Variants in PCNT observed in about 807,000 individuals in gnomAD.
PCNT encodes the protein kendrin.
A neutral mutation model predicts 380.4 loss-of-function variants in PCNT; 319 were observed. The observed-to-expected ratio is 0.84, with a 90% CI of 0.77 to 0.92. The LOEUF is 0.92. PCNT is among the 40% of genes least tolerant of loss of function. PCNT has a pLI of 0.00. For synonymous variants in PCNT, 1,845 were observed against 1,735.2 expected, an observed-to-expected ratio of 1.06 and a Z score of -1.57; for missense variants, 4,400 against 4,255.3, an observed-to-expected ratio of 1.03 and a Z score of -0.95.
rs138860570 is a variant in PCNT at position 46,443,828 on chromosome 21, C to T, written c.9719C>T (p.Pro3240Leu). Residue 3240 changes from proline (P) to leucine (L), a missense_variant, in exon 45 of 47, where the codon CCG (proline) becomes CTG (leucine). By Grantham distance (98) the Pro-to-Leu change is moderately conservative. Transcript: ENST00000359568. ...GGGGAAGGGCCCCGAGCACGACAGC[C>T]GCAGTCTCCACCCAGAACCAGAGAG... Reference protein sequence around the residue: ...APRPGPRARQPQSPPRTRESP... With the variant: ...APRPGPRARQLQSPPRTRESP... 3.2e-5 allele frequency: 51 copies of T among 1,613,554 alleles called. No homozygotes were observed. Among genetic ancestry groups the T allele is most frequent in the African/African-American group, 4.0e-5 (3 of 74,922 alleles).
chr21:46,428,804 G>T (rs2087618022), intron 35 of PCNT, among the ~76,000 whole-genome samples: 1 of 152,226 alleles, frequency 6.6e-6, no homozygotes, highest in African/African-American at 2.4e-5. Flanking sequence ...TCACTCTTGG[G>T]CCTGATGTGG....
chr21:46,353,013 C>A (rs1235648421), intron 9 of PCNT, 91 bp from the exon 10 acceptor site: 2 of 1,052,854 alleles, frequency 1.9e-6, no homozygotes, highest in African/African-American at 1.6e-5. Context: ...CGAGTTCTGC[C>A]CCCACCACAG....
intron 38 of PCNT, among the ~76,000 whole-genome samples, chr21:46,432,548 G>T (rs2087812962): frequency 6.6e-6 from 1 of 152,220 alleles, no homozygotes; most frequent in Non-Finnish European, 1.5e-5. Context: ...CATTAAATGT[G>T]CTGATTGCTC....
chr21:46,342,571 G>A (rs1321962963), intron 3 of PCNT, among the ~76,000 whole-genome samples: 1 of 126,012 alleles, frequency 7.9e-6, no homozygotes, highest in African/African-American at 3.0e-5. Context: ...ACGGAGTTTT[G>A]CTCTTGTTGC....
In PCNT at chr21:46,430,344, A is replaced by C. The variant is rs2087697472; in HGVS notation, c.7913+112A>C. On this transcript the variant is annotated intron_variant, in intron 36 of 46. Transcript: ENST00000359568. Reference sequence around the variant, plus strand: ...TGGTGGGCCGCAGTTGGGCAGCCCCAGGGGCACCGCGCCCTGCTGTCCCTG... The same window carrying C: ...TGGTGGGCCGCAGTTGGGCAGCCCCCGGGGCACCGCGCCCTGCTGTCCCTG... 5 of 1,378,054 alleles carry C rather than the reference A, an allele frequency of 3.6e-6. No homozygotes were observed. The South Asian group carries it at 3.7e-5, about 10-fold the overall frequency. The allele number at this position is 1,378,054 out of a possible 1,614,324, so 85.4% of individuals were successfully genotyped here.
Position 46,431,632 on chromosome 21 carries a change from G to A in PCNT, c.8168G>A (p.Arg2723His), listed in dbSNP as rs771623413. 2.6e-5 allele frequency: 42 copies of A among 1,613,828 alleles called. No individual in the cohort carries two copies. Among genetic ancestry groups the A allele is most frequent in the Non-Finnish European group, 3.1e-5 (37 of 1,179,938 alleles). Residue 2723 changes from arginine (R) to histidine (H), a missense_variant, in exon 38 of 47, where the codon CGT (arginine) becomes CAT (histidine). Physicochemically the swap from Arg to His is conservative, Grantham distance 29. Transcript: ENST00000359568. ...AAGGACAACCTGCAGAAGGAGCTGC[G>A]TATCGAGCACTCACGCTGCGAGGCC... ...TAKDNLQKEL[R>H]IEHSRCEALL...
intron 29 of PCNT, among the ~76,000 whole-genome samples, chr21:46,415,516 C>G (rs892198583): frequency 1.3e-5 from 2 of 151,866 alleles, no homozygotes; most frequent in Non-Finnish European, 2.9e-5. Flanking sequence ...TCCCGAGTAG[C>G]TAGGATTACA....
At chr21:46,436,839 T>G (rs2053471676) in intron 39 of PCNT, 140 bp from the exon 40 acceptor site, 1 of 718,662 alleles carries the variant, frequency 1.4e-6, no homozygotes. Flanking sequence ...TGGCTCTGCC[T>G]CACGGCTGGA....
chr21:46,416,204 T>A lies in PCNT; in HGVS notation c.6286T>A (p.Ser2096Thr). 1.2e-6 allele frequency: 2 copies of A among 1,614,128 alleles called. No individual in the cohort carries two copies. Among genetic ancestry groups the A allele is most frequent in the Non-Finnish European group, 1.7e-6 (2 of 1,180,034 alleles). Residue 2096 changes from serine to threonine, a missense_variant, in exon 30 of 47, where the codon TCT becomes ACT. Transcript: ENST00000359568. Reference sequence around the variant, plus strand: ...GAATGTGGATGCTGCCGACACCAAATCTCTGTGGCCCATGGCCTCAGCACA... The same window carrying A: ...GAATGTGGATGCTGCCGACACCAAAACTCTGTGGCCCATGGCCTCAGCACA... ...FQNVDAADTK[S>T]LWPMASAHLL...
chr21:46,438,741 C>T (rs1463689237), intron 41 of PCNT, among the ~76,000 whole-genome samples: 2 of 146,410 alleles, frequency 1.4e-5, no homozygotes, highest in African/African-American at 5.1e-5. Flanking sequence ...GGTGCGATCT[C>T]AGCTCACTGC....
chr21:46,329,273 G>C (rs1417235708), intron 2 of PCNT, among the ~76,000 whole-genome samples: 1 of 152,154 alleles, frequency 6.6e-6, no homozygotes, highest in Non-Finnish European at 1.5e-5. Context: ...GACTCTCTTA[G>C]TTTCTAACTC....
chr21:46,424,720 C>CA (rs1361436921), intron 32 of PCNT, among the ~76,000 whole-genome samples: 2 of 146,558 alleles, frequency 1.4e-5, no homozygotes, highest in Non-Finnish European at 1.5e-5. Flanking sequence ...CTGCGCCCCC[C>CA]CCAACCCTGC....
At position 46,382,786 on chromosome 21, in the gene PCNT, C is replaced by G. The variant is rs561290003; in HGVS notation, c.3312+946C>G. On this transcript the variant is annotated intron_variant, in intron 16 of 46. Transcript: ENST00000359568. ...ATTCACCGTGTTGTATATTCAGTGA[C>G]AGAAGCGCATTCACGGTGTGCATTC... is the stretch of plus-strand genomic sequence containing the variant. Among the ~76,000 whole-genome samples, 4 of 136,964 alleles carry G rather than the reference C, an allele frequency of 2.9e-5. 1 individual carries two copies. The highest frequency in any genetic ancestry group is 6.2e-5 in the Non-Finnish European group (4 of 64,366). The allele number at this position is 136,964 out of a possible 152,430, so 89.9% of individuals were successfully genotyped here.
At chr21:46,395,639 C>G (rs1005341759) in intron 21 of PCNT, among the ~76,000 whole-genome samples, 2 of 151,850 alleles carry the variant, frequency 1.3e-5, no homozygotes, top group Non-Finnish European at 2.9e-5. Context: ...GAGACTCCAT[C>G]TCAGAAATAA....
chr21:46,342,163 A>G (rs371259530), intron 3 of PCNT, among the ~76,000 whole-genome samples: 29 of 151,000 alleles, frequency 1.9e-4, no homozygotes, highest in African/African-American at 7.0e-4. Flanking sequence ...CTGGAGTGCA[A>G]TGGTGCAATC....
chr21:46,332,982 G>A lies in PCNT; in HGVS notation c.268-1415G>A, dbSNP rs553196570. Reference sequence around the variant, plus strand: ...TAAAAAATAAGCTGGGCACAGTGGCGCATGCCAGTAGTTCCAGCTACTCAG... The same window carrying A: ...TAAAAAATAAGCTGGGCACAGTGGCACATGCCAGTAGTTCCAGCTACTCAG... On this transcript the variant is annotated intron_variant, in intron 2 of 46. Transcript: ENST00000359568. Among the ~76,000 whole-genome samples the A allele has an allele frequency of 3.9e-5, 6 of 152,108 alleles. No homozygotes were observed. In the East Asian group the frequency reaches 5.8e-4, roughly 15 times the overall value.
chr21:46,355,707 C>A, intron 12 of PCNT, 81 bp downstream of exon 12: 1 of 1,408,230 alleles, frequency 7.1e-7, no homozygotes, highest in Non-Finnish European at 9.9e-7. Context: ...TGCCTGGGTT[C>A]GATCCAAGTC....
intron 16 of PCNT, among the ~76,000 whole-genome samples, chr21:46,383,328 A>C (rs1391982724): frequency 7.0e-6 from 1 of 141,940 alleles, no homozygotes; most frequent in Non-Finnish European, 1.5e-5. Context: ...GTTCAGTGGC[A>C]GAAGCACATT....
rs1400351709 is a variant in PCNT, at chr21:46,401,656, C to A, written c.4897C>A (p.Pro1633Thr). The A allele has an allele frequency of 6.2e-7, 1 of 1,614,004 alleles. No individual in the cohort carries two copies. The highest frequency in any genetic ancestry group is 2.2e-5 in the East Asian group (1 of 44,878). The change falls in exon 26 of 47, where the codon CCT becomes ACT. Residue 1633 changes from proline (P) to threonine (T), a missense_variant. Transcript: ENST00000359568. ...GRCPEPPSGS[P>T]PEGPEIQLEV... ...ATGTCCCGAGCCTCCTTCGGGCAGC[C>A]CTCCTGAGGGTCCAGAAATACAGTT...
Sources: allele counts gnomAD v4.1 joint callset (sites outside exome capture counted in the v4.1 genomes callset), GRCh38; gene constraint gnomAD v4.1.1; transcripts MANE v1.5; gene names NCBI Gene and HGNC (gene_info 2026-07-23, HGNC 2026-07-21).